CD1B: variants seen among roughly 807,000 people sequenced by gnomAD.
CD1B encodes the protein T-cell surface glycoprotein CD1b.
Under a neutral mutation model 39.8 loss-of-function variants are expected in CD1B, and 43 were observed. The observed-to-expected ratio is 1.08, with a 90% CI of 0.85 to 1.39. The LOEUF (loss-of-function observed/expected upper bound fraction) is 1.39, where lower values mean the gene tolerates loss of function less well. Ranked by LOEUF, CD1B falls within the 40% of genes most tolerant of loss-of-function variation. The pLI is 0.00. For synonymous variants in CD1B, 192 were observed against 152.5 expected, an observed-to-expected ratio of 1.26 and a Z score of -1.91; for missense variants, 495 against 403.8, an observed-to-expected ratio of 1.23 and a Z score of -1.94.
chr1:158,318,625 A>C, the CD1B span, among the ~76,000 whole-genome samples: 3 of 152,258 alleles, frequency 2.0e-5, no homozygotes, highest in African/African-American at 7.2e-5. Context: ...CCAATTTGCC[A>C]GTCTGTGTCT....
chr1:158,296,066 TGTGA>T, the CD1B span, among the ~76,000 whole-genome samples: 1 of 152,040 alleles, frequency 6.6e-6, no homozygotes, highest in African/African-American at 2.4e-5. Context: ...ACCACCAGCA[TGTGA>T]GTGAGTGTGG....
At chr1:158,318,565 G>A in the CD1B span, among the ~76,000 whole-genome samples, 1,897 of 152,156 alleles carry the variant, frequency 0.012, 38 homozygotes, top group African/African-American at 0.041. Flanking sequence ...GTCTCTGCAC[G>A]TGAGATGGGT....
chr1:158,320,423 A>T, the CD1B span, among the ~76,000 whole-genome samples: 1 of 152,144 alleles, frequency 6.6e-6, no homozygotes, highest in South Asian at 2.1e-4. Context: ...CCGATTTTCC[A>T]GGTGCCGTCC....
the CD1B span, among the ~76,000 whole-genome samples, chr1:158,285,422 T>C: frequency 6.6e-5 from 10 of 152,260 alleles, no homozygotes; most frequent in East Asian, 1.9e-3. Flanking sequence ...ATTTTAGGCT[T>C]CAAAATTTAG....
At chr1:158,316,888 AG>A in the CD1B span, among the ~76,000 whole-genome samples, 1 of 152,004 alleles carries the variant, frequency 6.6e-6, no homozygotes, top group Non-Finnish European at 1.5e-5. Flanking sequence ...ATTTTGTCAA[AG>A]GTCTTTTCTG....
chr1:158,309,232 C>A, the CD1B span, among the ~76,000 whole-genome samples: 41 of 152,166 alleles, frequency 2.7e-4, no homozygotes, highest in Non-Finnish European at 5.1e-4. Flanking sequence ...CATGAAAAAA[C>A]GGTCATCATC....
At chr1:158,323,092 T>C (rs1270334732), downstream of CD1B, among the ~76,000 whole-genome samples, 12 of 152,294 alleles carry the variant, frequency 7.9e-5, 1 homozygote, top group South Asian at 2.5e-3. Flanking sequence ...TATTTCCTTG[T>C]CTTTTTCTGT....
At chr1:158,300,910 C>T in the CD1B span, among the ~76,000 whole-genome samples, 1,745 of 151,534 alleles carry the variant, frequency 0.012, 33 homozygotes, top group African/African-American at 0.04. Context: ...AGGTGCCCAC[C>T]ACCATGCCCA....
At chr1:158,321,139 T>A in the CD1B span, among the ~76,000 whole-genome samples, 4 of 152,240 alleles carry the variant, frequency 2.6e-5, no homozygotes, top group South Asian at 2.1e-4. Context: ...GTACGCTATA[T>A]CTCCCTGTAG....
chr1:158,329,856 T>A lies in CD1B; in HGVS notation c.603A>T (p.Arg201Ser), dbSNP rs1259246385. The stretch of plus-strand genomic sequence containing the variant: ...TGAAATAACAGCAGGACTAACCTTG[T>A]CTTTGCAGATCTGCTTTTCCTGCAT... ...VLNAGKADLQ[R>S]QVKPEAWLSS... Residue 201 changes from arginine to serine, a missense_variant, in exon 3 of 6, where the codon AGA (arginine) becomes AGT (serine). Physicochemically the swap from Arg to Ser is moderately radical, Grantham distance 110. Coordinates refer to ENST00000368168, the MANE Select transcript of CD1B (RefSeq NM_001764.3). 2 of 1,612,728 alleles carry A rather than the reference T, an allele frequency of 1.2e-6. No homozygotes were observed. Among genetic ancestry groups the A allele is most frequent in the African/African-American group, 2.7e-5 (2 of 74,878 alleles).
At position 158,329,482 on chromosome 1, in the gene CD1B, G is replaced by A. The variant is rs1652495545; in HGVS notation, c.774C>T (p.Asn258=). The change falls in exon 4 of 6, where the codon AAC becomes AAT. Residue 258 remains asparagine (N), a synonymous_variant. Transcript: ENST00000368168. ...TQLGDILPNA[N]WTWYLRATLD... is the part of the protein sequence containing the mutation. ...GGGTTGCTCGGAGATACCATGTCCAGTTAGCATTGGGCAGGATGTCCCCTA... is the reference window on the plus strand; with the variant it reads ...GGGTTGCTCGGAGATACCATGTCCAATTAGCATTGGGCAGGATGTCCCCTA... 2.5e-6 allele frequency: 4 copies of A among 1,614,176 alleles called. No individual in the cohort carries two copies. The highest frequency in any genetic ancestry group is 3.4e-6 in the Non-Finnish European group (4 of 1,180,038).
At chr1:158,299,678 T>G in the CD1B span, among the ~76,000 whole-genome samples, 2 of 152,238 alleles carry the variant, frequency 1.3e-5, no homozygotes, top group Admixed American at 1.3e-4. Flanking sequence ...GTTATTGGTC[T>G]ATTCAGAGAT....
the CD1B span, among the ~76,000 whole-genome samples, chr1:158,308,853 T>C: frequency 6.6e-6 from 1 of 152,148 alleles, no homozygotes; most frequent in Non-Finnish European, 1.5e-5. Context: ...AAGACTTACA[T>C]GTTAGACCTG....
chr1:158,318,219 G>T, the CD1B span, among the ~76,000 whole-genome samples: 2 of 152,166 alleles, frequency 1.3e-5, no homozygotes, highest in Non-Finnish European at 2.9e-5. Context: ...GGGTATCCTT[G>T]TTGACTTTCT....
At chr1:158,314,545 G>A in the CD1B span, among the ~76,000 whole-genome samples, 2 of 152,034 alleles carry the variant, frequency 1.3e-5, no homozygotes, top group African/African-American at 4.8e-5. Context: ...AGCAACATGA[G>A]GTTATCTGAA....
At chr1:158,288,108 C>T in the CD1B span, among the ~76,000 whole-genome samples, 1 of 152,186 alleles carries the variant, frequency 6.6e-6, no homozygotes. Context: ...TCTAAAACCA[C>T]AAACCAAGTA....
At chr1:158,309,561 G>A in the CD1B span, among the ~76,000 whole-genome samples, 1 of 152,100 alleles carries the variant, frequency 6.6e-6, no homozygotes, top group African/African-American at 2.4e-5. Context: ...ATTCACAATA[G>A]CAAAGACTTG....
Position 158,331,441 on chromosome 1 carries a change from C to T in CD1B, c.-18G>A, listed in dbSNP as rs1258682340. 6.2e-7 allele frequency: 1 copy of T among 1,608,990 alleles called. No homozygotes were observed. The highest frequency in any genetic ancestry group is 8.5e-7 in the Non-Finnish European group (1 of 1,175,670). ...AGCAGCATTTCACTGGGAGATGCAA[C>T]TTCTTACTGGCAGAGCTGGTATTTG... On this transcript the variant is annotated 5_prime_UTR_variant, in exon 1 of 6. Coordinates refer to ENST00000368168, the MANE Select transcript of CD1B (RefSeq NM_001764.3).
chr1:158,323,538 C>T (rs1168572380), downstream of CD1B, among the ~76,000 whole-genome samples: 1 of 152,102 alleles, frequency 6.6e-6, no homozygotes, highest in South Asian at 2.1e-4. Context: ...CCTGGTTGTT[C>T]TTGATGCTTG....
Sources: gnomAD v4.1 joint callset for allele counts (sites outside exome capture counted in the v4.1 genomes callset) on GRCh38, gnomAD v4.1.1 for gene constraint, MANE v1.5 for transcripts, NCBI Gene and HGNC (gene_info 2026-07-23, HGNC 2026-07-21) for gene names.